The following LAMA4 variants were observed in gnomAD, a reference collection of about 807,000 sequenced individuals.
LAMA4 encodes laminin subunit alpha 4.
In LAMA4, 127 loss-of-function variants were observed where a neutral mutation model predicts 207.1. The observed-to-expected ratio is 0.61, with a 90% CI of 0.53 to 0.71. The LOEUF (loss-of-function observed/expected upper bound fraction) is 0.71. Ranked by LOEUF, LAMA4 falls within the 30% of genes least tolerant of loss-of-function variation. The probability of loss-of-function intolerance (pLI) is 0.00; values close to 1 mark genes in which losing one functional copy is unlikely to be tolerated. For missense variants in LAMA4, 2,093 were observed against 2,246.5 expected, an observed-to-expected ratio of 0.93 and a Z score of 1.38; for synonymous variants, 761 against 816.0, an observed-to-expected ratio of 0.93 and a Z score of 1.15.
At position 112,224,958 on chromosome 6, in the gene LAMA4, AT is replaced by A. The variant is rs1308615427; in HGVS notation, c.196-8490del. 1.2e-4 allele frequency among the ~76,000 whole-genome samples: 16 copies of A among 136,254 alleles called. No individual in the cohort carries two copies. In the South Asian group the frequency reaches 3.0e-3, roughly 26 times the overall value. 89.4% of individuals were successfully genotyped at this position (136,254 alleles called of 152,430 possible). A position where few individuals can be genotyped will look rare whatever the true frequency, so the allele number is the denominator to read the frequency against. On this transcript the variant is annotated intron_variant, in intron 2 of 38. Coordinates refer to ENST00000230538, the MANE Select transcript of LAMA4 (RefSeq NM_001105206.3). ...TCTCAGTTTTTTTTTTTTTAATTTA[AT>A]TTTTTTTTGGCAGGGGACGGGGAAG...
At chr6:112,233,686 T>C (rs1785702337) in intron 2 of LAMA4, among the ~76,000 whole-genome samples, 1 of 152,310 alleles carries the variant, frequency 6.6e-6, no homozygotes, top group African/African-American at 2.4e-5. Flanking sequence ...AAGCTGAGGC[T>C]GAAAGAAAGC....
chr6:112,150,715 C>T (rs917111777), intron 16 of LAMA4, 88 bp from the exon 17 acceptor site: 12 of 896,108 alleles, frequency 1.3e-5, no homozygotes, highest in African/African-American at 8.2e-5. Context: ...CTCATTTGTA[C>T]GATGCAGTCA....
At chr6:112,115,091 C>T (rs1777936678) in intron 36 of LAMA4, among the ~76,000 whole-genome samples, 1 of 152,128 alleles carries the variant, frequency 6.6e-6, no homozygotes, top group African/African-American at 2.4e-5. Flanking sequence ...AGCTAGACAG[C>T]CAGTCTCCTA....
At chr6:112,132,581 T>C (rs1272541958) in intron 28 of LAMA4, among the ~76,000 whole-genome samples, 172 bp downstream of exon 28, 2 of 152,214 alleles carry the variant, frequency 1.3e-5, no homozygotes, top group Non-Finnish European at 2.9e-5. Flanking sequence ...ACTTCTGATA[T>C]ACAATACATA....
At chr6:112,172,504 T>C (rs1781772863) in intron 12 of LAMA4, 107 bp downstream of exon 12, 3 of 978,120 alleles carry the variant, frequency 3.1e-6, no homozygotes, top group South Asian at 2.8e-5. Context: ...AAAATATAAG[T>C]ATTTAACTAT....
In LAMA4 at chr6:112,128,947, T is replaced by C; in HGVS notation, c.4262A>G (p.Lys1421Arg). ...CTTTTTATTCTGACTTGCTTTAGGC[T>C]TGGATAAATTTTTTCCTTTTTTATG... is the stretch of plus-strand genomic sequence containing the variant. The part of the protein sequence containing the change: ...LLHKKGKNLS[K>R]PKASQNKKGG... The change falls in exon 31 of 39, where the codon AAG (lysine) becomes AGG (arginine). Residue 1421 changes from lysine to arginine, a missense_variant. Physicochemically the swap from Lys to Arg is conservative, Grantham distance 26. Transcript: ENST00000230538. 2 of 1,613,448 alleles carry C rather than the reference T, an allele frequency of 1.2e-6. No individual in the cohort carries two copies. Among genetic ancestry groups the C allele is most frequent in the Non-Finnish European group, 1.7e-6 (2 of 1,179,508 alleles).
intron 12 of LAMA4, among the ~76,000 whole-genome samples, chr6:112,166,885 C>T (rs536155818): frequency 1.2e-4 from 18 of 152,084 alleles, no homozygotes; most frequent in African/African-American, 1.7e-4. Flanking sequence ...AAAAGTTCCA[C>T]GGTCAACAAC....
intron 24 of LAMA4, among the ~76,000 whole-genome samples, chr6:112,138,602 T>C (rs1423055083): frequency 2.1e-5 from 3 of 141,960 alleles, no homozygotes; most frequent in African/African-American, 7.7e-5. Flanking sequence ...TTTAAATATA[T>C]AATCTTTTAT....
intron 28 of LAMA4, among the ~76,000 whole-genome samples, chr6:112,131,727 G>A (rs1338230727): frequency 6.6e-6 from 1 of 152,042 alleles, no homozygotes; most frequent in Admixed American, 6.6e-5. Context: ...GTTTGGGTCA[G>A]AAGTTCTACA....
intron 5 of LAMA4, among the ~76,000 whole-genome samples, chr6:112,200,769 A>C (rs1158156163): frequency 6.6e-6 from 1 of 152,178 alleles, no homozygotes; most frequent in African/African-American, 2.4e-5. Context: ...ATTCTTAACA[A>C]ACTAACACAG....
intron 2 of LAMA4, among the ~76,000 whole-genome samples, chr6:112,240,872 T>C (rs1288977843): frequency 6.6e-6 from 1 of 151,974 alleles, no homozygotes; most frequent in Non-Finnish European, 1.5e-5. Context: ...ATATTTCTTC[T>C]ATATACTGAT....
At chr6:112,191,933 T>C (rs558707841) in intron 5 of LAMA4, 83 bp from the exon 6 acceptor site, 37 of 1,054,896 alleles carry the variant, frequency 3.5e-5, no homozygotes, top group African/African-American at 3.2e-4. Flanking sequence ...AGAAGAAAGA[T>C]GTAGTGGATA....
chr6:112,252,347 G>A (rs1787521670), intron 2 of LAMA4, among the ~76,000 whole-genome samples: 2 of 152,082 alleles, frequency 1.3e-5, no homozygotes, highest in Non-Finnish European at 2.9e-5. Context: ...AAACATATGA[G>A]CACATAAGAA....
chr6:112,165,381 T>C (rs1169977352), intron 12 of LAMA4, 105 bp from the exon 13 acceptor site: 1 of 795,166 alleles, frequency 1.3e-6, no homozygotes, highest in Admixed American at 1.7e-5. Context: ...CAGACAAATC[T>C]GGGTTCATAT....
chr6:112,147,456 T>C (rs1054895183), intron 18 of LAMA4, among the ~76,000 whole-genome samples: 5 of 152,166 alleles, frequency 3.3e-5, no homozygotes, highest in East Asian at 1.9e-4. Context: ...CAAAACCATA[T>C]TGGAGAACAA....
At chr6:112,166,857 CA>C (rs1264201905) in intron 12 of LAMA4, among the ~76,000 whole-genome samples, 1 of 152,134 alleles carries the variant, frequency 6.6e-6, no homozygotes, top group Non-Finnish European at 1.5e-5. Context: ...GTGCATATTA[CA>C]TATGCAAAAA....
intron 2 of LAMA4, among the ~76,000 whole-genome samples, chr6:112,221,433 A>G (rs1784919297): frequency 6.6e-6 from 1 of 152,178 alleles, no homozygotes; most frequent in South Asian, 2.1e-4. Context: ...CTCCAAATAG[A>G]AAGGATAAAA....
chr6:112,190,938 T>TC (rs11393305), intron 6 of LAMA4, among the ~76,000 whole-genome samples: 4,545 of 56,808 alleles, frequency 0.08, 96 homozygotes, highest in African/African-American at 0.12. Context: ...TTTCTTTCTT[T>TC]CTTTCTTTCC....
rs1554326376 is a variant in LAMA4 at position 112,122,191 on chromosome 6, C to T, written c.4298G>A (p.Ser1433Asn). ...KASQNKKGGKSKDAPSWDPVA... is the reference protein window; with the variant it reads ...KASQNKKGGKNKDAPSWDPVA... ...AGGATCCCATGAAGGTGCATCTTTA[C>T]TTTTCCCTCCCTATAAAAGTAAACC... is the stretch of plus-strand genomic sequence containing the variant. Residue 1433 changes from serine (S) to asparagine (N), a missense_variant, in exon 32 of 39, where the codon AGT becomes AAT. By Grantham distance (46) the Ser-to-Asn change is conservative. Coordinates refer to ENST00000230538, the MANE Select transcript of LAMA4 (RefSeq NM_001105206.3). The T allele has an allele frequency of 6.8e-6, 11 of 1,613,586 alleles. No homozygotes were observed. Among genetic ancestry groups the T allele is most frequent in the Non-Finnish European group, 9.3e-6 (11 of 1,179,636 alleles).
Sources: allele counts gnomAD v4.1 joint callset (sites outside exome capture counted in the v4.1 genomes callset), GRCh38; gene constraint gnomAD v4.1.1; transcripts MANE v1.5; gene names NCBI Gene and HGNC (gene_info 2026-07-23, HGNC 2026-07-21).